Variants in DRC4 observed in about 807,000 individuals in gnomAD.
DRC4 encodes the protein GAS-11.
chr16:90,041,533 C>G, the DRC4 span, among the ~76,000 whole-genome samples: 1 of 152,010 alleles, frequency 6.6e-6, no homozygotes, highest in Non-Finnish European at 1.5e-5. Context: ...TAGCCGGGCG[C>G]GGTGGCTCAC....
At chr16:90,037,155 C>T in the DRC4 span, 2 of 1,421,694 alleles carry the variant, frequency 1.4e-6, no homozygotes, top group Non-Finnish European at 1.9e-6. Flanking sequence ...GGAGAGCACC[C>T]AGCTCTCACC....
the DRC4 span, chr16:90,027,806 C>T: frequency 0.29 from 370,872 of 1,267,178 alleles, 56,667 homozygotes; most frequent in South Asian, 0.43. Flanking sequence ...GTCCATCTTG[C>T]CATGTGGATC....
chr16:90,022,713 G>C, the DRC4 span: 10 of 1,419,166 alleles, frequency 7.0e-6, no homozygotes, highest in African/African-American at 1.5e-5. Flanking sequence ...GGGCCTGTCC[G>C]CTGGCGTCAT....
At chr16:90,029,038 A>T in the DRC4 span, 2 of 1,305,390 alleles carry the variant, frequency 1.5e-6, no homozygotes, top group South Asian at 2.5e-5. Context: ...TGGAGAATGG[A>T]TTGAACACTG....
chr16:90,035,025 T>A, the DRC4 span, among the ~76,000 whole-genome samples: 4 of 148,228 alleles, frequency 2.7e-5, no homozygotes, highest in African/African-American at 9.9e-5. Context: ...TGCCTCAGCC[T>A]CTCGACTAGC....
At chr16:90,027,211 G>C in the DRC4 span, among the ~76,000 whole-genome samples, 1 of 151,464 alleles carries the variant, frequency 6.6e-6, no homozygotes, top group Non-Finnish European at 1.5e-5. Context: ...TCAGCCTCCC[G>C]AGTAGCTGGG....
the DRC4 span, among the ~76,000 whole-genome samples, chr16:90,032,257 G>A: frequency 6.6e-6 from 1 of 151,390 alleles, no homozygotes; most frequent in Non-Finnish European, 1.5e-5. Flanking sequence ...AGGAGGTGTG[G>A]TACAGGTGAC....
the DRC4 span, among the ~76,000 whole-genome samples, chr16:90,025,649 CAAAAAAA>C: frequency 1.3e-4 from 6 of 45,926 alleles, no homozygotes; most frequent in South Asian, 1.0e-3. Flanking sequence ...GACTCTGTCT[CAAAAAAA>C]AAAAAAAAAA....
At chr16:90,042,664 C>A in the DRC4 span, 1 of 740,648 alleles carries the variant, frequency 1.4e-6, no homozygotes, top group Non-Finnish European at 2.3e-6. Flanking sequence ...CTGTCACTGT[C>A]CCCACGTGAG....
chr16:90,033,509 A>G, the DRC4 span, among the ~76,000 whole-genome samples: 1 of 152,220 alleles, frequency 6.6e-6, no homozygotes, highest in Non-Finnish European at 1.5e-5. Flanking sequence ...AAAAATTTAA[A>G]AGAAAACATT....
the DRC4 span, among the ~76,000 whole-genome samples, chr16:90,030,215 A>AT: frequency 2.6e-5 from 4 of 151,716 alleles, no homozygotes; most frequent in South Asian, 4.2e-4. Context: ...TCAAAGGTGA[A>AT]TTTTTTTTCA....
chr16:90,037,811 A>G, the DRC4 span: 4 of 1,614,170 alleles, frequency 2.5e-6, no homozygotes, highest in South Asian at 3.3e-5. Context: ...AAAGACCTGC[A>G]GTGGGAGCAT....
the DRC4 span, among the ~76,000 whole-genome samples, chr16:90,027,298 C>T: frequency 7.9e-5 from 12 of 152,014 alleles, no homozygotes; most frequent in African/African-American, 1.9e-4. Flanking sequence ...CTGTGTTAGC[C>T]GGGATGGTCT....
the DRC4 span, chr16:90,029,338 T>G: frequency 7.4e-7 from 1 of 1,355,920 alleles, no homozygotes; most frequent in Non-Finnish European, 9.9e-7. Flanking sequence ...AGAGGACAGT[T>G]TCATCTGTTC....
chr16:90,028,924 T>C, the DRC4 span: 3 of 1,295,266 alleles, frequency 2.3e-6, no homozygotes, highest in Middle Eastern at 2.1e-4. Flanking sequence ...AAAGAATGGC[T>C]TTATTTTACA....
the DRC4 span, among the ~76,000 whole-genome samples, chr16:90,038,223 A>G: frequency 3.9e-5 from 6 of 152,236 alleles, no homozygotes; most frequent in Non-Finnish European, 8.8e-5. Context: ...GTGTAAGTGA[A>G]GATGAGTCTC....
chr16:90,041,588 G>A, the DRC4 span, among the ~76,000 whole-genome samples: 11 of 152,150 alleles, frequency 7.2e-5, no homozygotes, highest in East Asian at 3.9e-4. Context: ...GGCAGATCAC[G>A]AGTTTGGGAG....
At chr16:90,036,412 G>A in the DRC4 span, 2 of 1,610,642 alleles carry the variant, frequency 1.2e-6, no homozygotes, top group South Asian at 1.1e-5. Flanking sequence ...AGAAGATGAA[G>A]ATGCTGAGGG....
the DRC4 span, among the ~76,000 whole-genome samples, chr16:90,038,806 T>A: frequency 1.4e-4 from 22 of 152,360 alleles, no homozygotes; most frequent in Middle Eastern, 0.014. Context: ...TCTCTGTCCC[T>A]TAAAGACGCT....
Sources: gnomAD v4.1 joint callset for allele counts (sites outside exome capture counted in the v4.1 genomes callset) on GRCh38, gnomAD v4.1.1 for gene constraint, MANE v1.5 for transcripts, NCBI Gene and HGNC (gene_info 2026-07-23, HGNC 2026-07-21) for gene names.